MED15: variants seen among roughly 807,000 people sequenced by gnomAD.
The protein encoded by MED15 is mediator of RNA polymerase II transcription subunit 15.
Under a neutral mutation model 118.7 loss-of-function variants are expected in MED15, and 41 were observed. The observed-to-expected ratio is 0.35, with a 90% CI of 0.27 to 0.45. The LOEUF (loss-of-function observed/expected upper bound fraction) is 0.45, where lower values mean the gene tolerates loss of function less well. Among genes scored for constraint, MED15 ranks in the 20% least tolerant of loss-of-function variants. The probability of loss-of-function intolerance (pLI) is 1.00; values close to 1 mark genes in which losing one functional copy is unlikely to be tolerated. For synonymous variants in MED15, 436 were observed against 413.9 expected (o/e 1.05, Z -0.65); for missense variants, 740 against 1,025.5 (o/e 0.72, Z 3.80).
chr22:20,554,526 C>T (rs192469928), intron 4 of MED15: 2 of 159,864 alleles, frequency 1.3e-5, no homozygotes, highest in East Asian at 1.8e-4. Flanking sequence ...CCTGGGAGAG[C>T]GTCCCCTGGC....
intron 9 of MED15, among the ~76,000 whole-genome samples, chr22:20,577,706 C>T (rs1601631365): frequency 6.6e-6 from 1 of 151,902 alleles, no homozygotes. Context: ...TAACTGCACA[C>T]AGATTTAATC....
chr22:20,528,034 C>T (rs567768100), intron 1 of MED15, among the ~76,000 whole-genome samples: 16 of 151,874 alleles, frequency 1.1e-4, no homozygotes, highest in Non-Finnish European at 1.3e-4. Flanking sequence ...ACTGAGATTA[C>T]AGGTGCGAAC....
chr22:20,536,142 T>C (rs1260066247), intron 1 of MED15, among the ~76,000 whole-genome samples: 2 of 151,944 alleles, frequency 1.3e-5, no homozygotes, highest in South Asian at 2.1e-4. Context: ...TCCCAAAGTG[T>C]TGGGATTACA....
chr22:20,547,558 G>A (rs904009623), intron 2 of MED15, among the ~76,000 whole-genome samples: 3 of 152,132 alleles, frequency 2.0e-5, no homozygotes, highest in African/African-American at 4.8e-5. Flanking sequence ...GGTGGCTCAC[G>A]CTTGTAATGT....
intron 3 of MED15, among the ~76,000 whole-genome samples, chr22:20,552,151 CTG>C (rs950464862): frequency 6.6e-6 from 1 of 152,242 alleles, no homozygotes; most frequent in African/African-American, 2.4e-5. Context: ...GCGAAGGAAA[CTG>C]GGGCCAGCAG....
At position 20,575,225 on chromosome 22, in the gene MED15, T is replaced by C. The variant is rs1179216885; in HGVS notation, c.1265T>C (p.Met422Thr). 3 of 1,613,808 alleles carry C rather than the reference T, an allele frequency of 1.9e-6. No homozygotes were observed. The highest frequency in any genetic ancestry group is 1.3e-5 in the African/African-American group (1 of 75,074). The change falls in exon 9 of 18, where the codon ATG becomes ACG. Residue 422 changes from methionine to threonine, a missense_variant. By Grantham distance (81) the Met-to-Thr change is moderately conservative (BLOSUM62 -1). Around this residue, in one of 7 missense-constraint regions of MED15, gnomAD observed 384 missense variants for 506.3 expected, o/e 0.76. Coordinates refer to ENST00000263205, the MANE Select transcript of MED15 (RefSeq NM_001003891.3). Reference sequence around the variant, plus strand: ...TCCATCCCTTTGGGCAGACAGCCCATGGCACAGGTATTTACGGGGCAGCGC... The same window carrying C: ...TCCATCCCTTTGGGCAGACAGCCCACGGCACAGGTATTTACGGGGCAGCGC... The part of the protein sequence containing the change: ...SSSIPLGRQP[M>T]AQVSQSSLPM...
intron 1 of MED15, among the ~76,000 whole-genome samples, chr22:20,520,965 C>T (rs1003405204): frequency 6.6e-6 from 1 of 151,750 alleles, no homozygotes; most frequent in Non-Finnish European, 1.5e-5. Context: ...GTCTCGAACT[C>T]CTGGGCTCAA....
Position 20,507,619 on chromosome 22 carries a change from A to T in MED15, c.-60A>T. ...TTCCGGGTTTGGGCCTGGCTCTGTG[A>T]CTGAGGCGGCGGCGGTGGCGGCCAA... On this transcript the variant is annotated 5_prime_UTR_variant, in exon 1 of 18. Coordinates refer to ENST00000263205, the MANE Select transcript of MED15 (RefSeq NM_001003891.3). The T allele has an allele frequency of 6.2e-7, 1 of 1,607,076 alleles. No homozygotes were observed. The highest frequency in any genetic ancestry group is 8.5e-7 in the Non-Finnish European group (1 of 1,174,026).
At chr22:20,571,812 T>A (rs749576383) in intron 8 of MED15, among the ~76,000 whole-genome samples, 1 of 152,190 alleles carries the variant, frequency 6.6e-6, no homozygotes, top group Non-Finnish European at 1.5e-5. Context: ...TTTAAAAGTA[T>A]GTGTGGTAAC....
chr22:20,568,582 C>T lies in MED15; in HGVS notation c.1103C>T (p.Thr368Ile). The change falls in exon 8 of 18, where the codon ACA becomes ATA. Residue 368 changes from threonine (T) to isoleucine (I), a missense_variant. Physicochemically the swap from Thr to Ile is moderately conservative, Grantham distance 89 (BLOSUM62 -1). Coordinates refer to ENST00000263205, the MANE Select transcript of MED15 (RefSeq NM_001003891.3). ...CAGCCCCAGGTGCAGCAGCAGCAGACAGCAGTACAGACAGCTCAGGCTGCC... is the reference window on the plus strand; with the variant it reads ...CAGCCCCAGGTGCAGCAGCAGCAGATAGCAGTACAGACAGCTCAGGCTGCC... ...PVQPQVQQQQ[T>I]AVQTAQAAQM... 1 of 1,613,904 alleles carries T rather than the reference C, an allele frequency of 6.2e-7. No homozygotes were observed. The highest frequency in any genetic ancestry group is 8.5e-7 in the Non-Finnish European group (1 of 1,180,024).
Position 20,555,167 on chromosome 22 carries a change from G to C in MED15, c.451+19G>C, listed in dbSNP as rs1333882889. ...CCACAGAGTGAGTACCACACTTCTTGGAGGATTTGCCGCTTTCCTTGCAAA... is the reference window on the plus strand; with the variant it reads ...CCACAGAGTGAGTACCACACTTCTTCGAGGATTTGCCGCTTTCCTTGCAAA... On this transcript the variant is annotated intron_variant, in intron 5 of 17. Transcript: ENST00000263205. 6.4e-7 allele frequency: 1 copy of C among 1,561,494 alleles called. No individual in the cohort carries two copies. The highest frequency in any genetic ancestry group is 1.2e-5 in the South Asian group (1 of 85,902).
At chr22:20,532,600 G>T (rs2054902645) in intron 1 of MED15, among the ~76,000 whole-genome samples, 1 of 152,190 alleles carries the variant, frequency 6.6e-6, no homozygotes. Flanking sequence ...GGGACTGTGT[G>T]CTCTGAGCCG....
chr22:20,540,892 TCAA>T (rs34408752), intron 2 of MED15, among the ~76,000 whole-genome samples: 53 of 149,978 alleles, frequency 3.5e-4, no homozygotes, highest in African/African-American at 4.7e-4. Flanking sequence ...CTCCTACAAC[TCAA>T]CAACAACAAC....
intron 9 of MED15, among the ~76,000 whole-genome samples, chr22:20,580,334 T>C (rs1272520352): frequency 6.6e-6 from 1 of 152,186 alleles, no homozygotes; most frequent in Admixed American, 6.5e-5. Context: ...TGTGGTGGCC[T>C]TCTCTGCTTG....
At chr22:20,568,781 A>G (rs1236815624) in intron 8 of MED15, 150 bp downstream of exon 8, 1 of 1,339,794 alleles carries the variant, frequency 7.5e-7, no homozygotes. Context: ...ACTCTGCAAG[A>G]CACCCCTGGA....
chr22:20,545,773 C>T (rs1363562580), intron 2 of MED15, among the ~76,000 whole-genome samples: 1 of 152,126 alleles, frequency 6.6e-6, no homozygotes, highest in East Asian at 1.9e-4. Context: ...GCCAAGGTCC[C>T]ATGGGGCTAT....
chr22:20,516,211 G>A lies in MED15; in HGVS notation c.68+8465G>A, dbSNP rs531163071. On this transcript the variant is annotated intron_variant, in intron 1 of 17. Transcript: ENST00000263205. ...GCCTGTAATCCCAGCTACTCAGGAG[G>A]CTGAGGCAGGAGAATTGCTTGAACC... Among the ~76,000 whole-genome samples, 308 of 151,764 alleles carry A rather than the reference G, an allele frequency of 2.0e-3. 3 individuals carry two copies. The highest frequency in any genetic ancestry group is 1.5e-3 in the Non-Finnish European group (102 of 67,948).
At chr22:20,585,985 C>G (rs165755) in intron 17 of MED15, among the ~76,000 whole-genome samples, 159 bp downstream of exon 17, 39,288 of 152,070 alleles carry the variant, frequency 0.26, 5,407 homozygotes, top group East Asian at 0.5. Flanking sequence ...GCACAGACAG[C>G]AGCGGGTTTT....
intron 7 of MED15, among the ~76,000 whole-genome samples, chr22:20,567,436 C>T (rs116892353): frequency 1.3e-5 from 2 of 152,074 alleles, no homozygotes; most frequent in Admixed American, 1.3e-4. Flanking sequence ...TCTTTGGCTC[C>T]CTTGGTTTTT....
Sources: gnomAD v4.1 joint callset for allele counts (sites outside exome capture counted in the v4.1 genomes callset) on GRCh38, gnomAD v4.1.1 for gene constraint, gnomAD v4.1.1 regional missense constraint, MANE v1.5 for transcripts, NCBI Gene and HGNC (gene_info 2026-07-23, HGNC 2026-07-21) for gene names.